NADSYN1: variants seen among roughly 807,000 people sequenced by gnomAD.
The protein encoded by NADSYN1 is NAD synthetase 1, also known as glutamine-dependent NAD(+) synthetase.
Under a neutral mutation model 99.3 loss-of-function variants are expected in NADSYN1, and 80 were observed. The ratio of observed to expected loss-of-function variants is 0.81; its 90% confidence interval spans 0.67 to 0.97. The LOEUF (loss-of-function observed/expected upper bound fraction) is 0.97, where lower values mean the gene tolerates loss of function less well. NADSYN1 is among the 50% of genes least tolerant of loss of function. NADSYN1 has a pLI of 0.00. For synonymous variants in NADSYN1, 385 were observed against 372.1 expected (o/e 1.03, Z -0.40); for missense variants, 859 against 948.5 (o/e 0.91, Z 1.24).
At chr11:71,477,564 C>T (rs144643625) in intron 9 of NADSYN1, 5 of 622,908 alleles carry the variant, frequency 8.0e-6, no homozygotes, top group Non-Finnish European at 1.2e-5. Context: ...CAAGGCAACA[C>T]TCAGGAACAC....
chr11:71,467,819 A>G (rs1208177814), intron 5 of NADSYN1, among the ~76,000 whole-genome samples: 1 of 152,248 alleles, frequency 6.6e-6, no homozygotes, highest in Non-Finnish European at 1.5e-5. Flanking sequence ...AGAAAATGGA[A>G]ACATCCATAA....
intron 6 of NADSYN1, 84 bp downstream of exon 6, chr11:71,472,584 T>C: frequency 1.5e-6 from 2 of 1,313,298 alleles, no homozygotes; most frequent in African/African-American, 1.4e-5. Context: ...CGGGAACGCT[T>C]TGGGATCCAG....
Position 71,481,356 on chromosome 11 carries a change from C to T in NADSYN1, c.999C>T (p.Ser333=). Residue 333 remains serine, a splice_region_variant and synonymous_variant, in exon 12 of 21, where the codon AGC becomes AGT. Transcript: ENST00000319023. The part of the protein sequence containing the change: ...WKYHSPEEEI[S]LGPACWLWDF... Reference sequence around the variant, plus strand: ...GCTCCATGTTCTGATTGCCCTGCAGCCTTGGACCTGCCTGCTGGCTCTGGG... The same window carrying T: ...GCTCCATGTTCTGATTGCCCTGCAGTCTTGGACCTGCCTGCTGGCTCTGGG... The T allele has an allele frequency of 2.5e-6, 4 of 1,614,000 alleles. No individual in the cohort carries two copies. The highest frequency in any genetic ancestry group is 3.4e-6 in the Non-Finnish European group (4 of 1,180,006).
At chr11:71,491,689 A>T in intron 17 of NADSYN1, 145 bp from the exon 18 acceptor site, 1 of 697,070 alleles carries the variant, frequency 1.4e-6, no homozygotes, top group Non-Finnish European at 2.4e-6. Flanking sequence ...AAAGCCCAGC[A>T]CCGCAAGCCT....
chr11:71,465,913 T>C (rs1471795206), intron 5 of NADSYN1, among the ~76,000 whole-genome samples: 1 of 152,228 alleles, frequency 6.6e-6, no homozygotes, highest in Non-Finnish European at 1.5e-5. Context: ...ACTTATATAA[T>C]ATACAATGAA....
intron 15 of NADSYN1, 55 bp from the exon 16 acceptor site, chr11:71,485,487 C>G: frequency 7.4e-7 from 1 of 1,354,960 alleles, no homozygotes; most frequent in Non-Finnish European, 1.0e-6. Context: ...GGGTGTGCGT[C>G]TCCCCCGTGT....
intron 18 of NADSYN1, among the ~76,000 whole-genome samples, chr11:71,492,868 T>G (rs1162055856): frequency 6.6e-6 from 1 of 150,980 alleles, no homozygotes. Context: ...AATGTCTTAC[T>G]TATTTAAGTT....
chr11:71,453,424 G>C (rs775499294), intron 1 of NADSYN1, 43 bp downstream of exon 1: 1 of 1,561,648 alleles, frequency 6.4e-7, no homozygotes, highest in East Asian at 2.3e-5. Context: ...GGTGGCGCAC[G>C]GGCACCGTGG....
rs771489316 is a variant in NADSYN1, at chr11:71,485,632, G to A, written c.1546G>A (p.Ala516Thr). The change falls in exon 16 of 21, where the codon GCC becomes ACC. Residue 516 changes from alanine (A) to threonine (T), a missense_variant. By Grantham distance (58) the Ala-to-Thr change is moderately conservative. Coordinates refer to ENST00000319023, the MANE Select transcript of NADSYN1 (RefSeq NM_018161.5). ...CGGTGGGCTCCTCGTGCTGGGATCC[G>A]CCAACGTGGATGAGAGGTGAGTGTG... ...VHGGLLVLGS[A>T]NVDESLLGYL... is the part of the protein sequence containing the mutation. 11 of 1,554,548 alleles carry A rather than the reference G, an allele frequency of 7.1e-6. No homozygotes were observed. The highest frequency in any genetic ancestry group is 4.1e-5 in the African/African-American group (3 of 73,370).
chr11:71,497,406 C>G, intron 18 of NADSYN1, 77 bp from the exon 19 acceptor site: 3 of 1,592,540 alleles, frequency 1.9e-6, no homozygotes, highest in Non-Finnish European at 2.6e-6. Context: ...CTCTGGTTCC[C>G]ATCTCCAAAA....
At chr11:71,465,180 T>C (rs1164957180) in intron 5 of NADSYN1, among the ~76,000 whole-genome samples, 1 of 151,906 alleles carries the variant, frequency 6.6e-6, no homozygotes, top group Non-Finnish European at 1.5e-5. Context: ...GGGGGCTACA[T>C]TGGGGATGAG....
intron 5 of NADSYN1, chr11:71,464,428 C>T (rs993863416): frequency 3.2e-6 from 1 of 312,428 alleles, no homozygotes; most frequent in Non-Finnish European, 6.0e-6. Flanking sequence ...CTAGAGGCTT[C>T]CCATCGGTTA....
chr11:71,485,516 G>A lies in NADSYN1; in HGVS notation c.1456-26G>A, dbSNP rs61440863. 11,546 of 1,523,734 alleles carry A rather than the reference G, an allele frequency of 7.6e-3. 488 individuals are homozygous for A. The African/African-American group carries it at 0.1, about 13-fold the overall frequency. 94.4% of individuals were successfully genotyped at this position (1,523,734 alleles called of 1,614,324 possible). ...CCCGTGTTCCTTTGCAAGGGAACCCGTTATTTCCTCTGTTGTGTTTTCCAG... is the reference window on the plus strand; with the variant it reads ...CCCGTGTTCCTTTGCAAGGGAACCCATTATTTCCTCTGTTGTGTTTTCCAG... On this transcript the variant is annotated intron_variant, in intron 15 of 20. Transcript: ENST00000319023.
chr11:71,464,263 C>A, intron 5 of NADSYN1, 121 bp downstream of exon 5: 2 of 753,412 alleles, frequency 2.7e-6, no homozygotes, highest in African/African-American at 1.8e-5. Context: ...ACATTTTGAA[C>A]AAAGAATGGG....
Position 71,485,615 on chromosome 11 carries a change from T to C in NADSYN1, c.1529T>C (p.Leu510Pro). The change falls in exon 16 of 21, where the codon CTC becomes CCC. Residue 510 changes from leucine to proline, a missense_variant. Coordinates refer to ENST00000319023, the MANE Select transcript of NADSYN1 (RefSeq NM_018161.5). ...TGGTCTCGGGGTGTCCACGGTGGGC[T>C]CCTCGTGCTGGGATCCGCCAACGTG... The part of the protein sequence containing the change: ...SLWSRGVHGG[L>P]LVLGSANVDE... The C allele has an allele frequency of 6.4e-7, 1 of 1,559,508 alleles. No individual in the cohort carries two copies.
In NADSYN1 at chr11:71,501,528, G is replaced by A. The variant is rs544143989; in HGVS notation, c.*176G>A. On this transcript the variant is annotated 3_prime_UTR_variant, in exon 21 of 21. Transcript: ENST00000319023. ...TCAAAAAGAGGCTGGAATAAAGCCTGGGCTTAAAAAGAGGCTGGAATCCAA... is the reference window on the plus strand; with the variant it reads ...TCAAAAAGAGGCTGGAATAAAGCCTAGGCTTAAAAAGAGGCTGGAATCCAA... 24 of 604,646 alleles carry A rather than the reference G, an allele frequency of 4.0e-5. No individual in the cohort carries two copies. The South Asian group carries it at 4.9e-4, about 12-fold the overall frequency. The allele number at this position is 604,646 out of a possible 1,614,324, so 37.5% of individuals were successfully genotyped here.
intron 2 of NADSYN1, among the ~76,000 whole-genome samples, chr11:71,455,703 C>T (rs1340237105): frequency 1.3e-5 from 2 of 152,222 alleles, no homozygotes; most frequent in Non-Finnish European, 1.5e-5. Flanking sequence ...GCACCTTGAT[C>T]GTGGGCTTCC....
Position 71,482,754 on chromosome 11 carries a change from C to T in NADSYN1, c.1151-95C>T, listed in dbSNP as rs568855678. On this transcript the variant is annotated intron_variant, in intron 13 of 20. Coordinates refer to ENST00000319023, the MANE Select transcript of NADSYN1 (RefSeq NM_018161.5). The stretch of plus-strand genomic sequence containing the variant: ...CTGGGGGTGTAGACCGGGGTGGAGC[C>T]GCATGGGCACCTGGGGGTGTAGACC... 221 of 1,416,624 alleles carry T rather than the reference C, an allele frequency of 1.6e-4. No individual in the cohort carries two copies. In the Admixed American group the frequency reaches 2.8e-3, roughly 18 times the overall value. 87.8% of individuals were successfully genotyped at this position (1,416,624 alleles called of 1,614,324 possible).
At chr11:71,470,211 A>G (rs148521403) in intron 5 of NADSYN1, among the ~76,000 whole-genome samples, 6 of 152,326 alleles carry the variant, frequency 3.9e-5, no homozygotes, top group African/African-American at 1.2e-4. Flanking sequence ...CCATGATTCA[A>G]TTATCTCCCA....
Sources: allele counts gnomAD v4.1 joint callset (sites outside exome capture counted in the v4.1 genomes callset), GRCh38; gene constraint gnomAD v4.1.1; transcripts MANE v1.5; gene names NCBI Gene and HGNC (gene_info 2026-07-23, HGNC 2026-07-21).